CAST: variants seen among roughly 807,000 people sequenced by gnomAD.
CAST encodes the protein calpastatin.
A neutral mutation model predicts 119.6 loss-of-function variants in CAST; 76 were observed. The ratio of observed to expected loss-of-function variants is 0.64; its 90% CI spans 0.53 to 0.77. CAST has a LOEUF of 0.77. Ranked by LOEUF, CAST falls within the 30% of genes least tolerant of loss-of-function variation. The probability of loss-of-function intolerance (pLI) is 0.00; values close to 1 mark genes in which losing one functional copy is unlikely to be tolerated. For synonymous variants in CAST, 319 were observed against 331.6 expected (o/e 0.96, Z 0.41); for missense variants, 953 against 946.5 (o/e 1.01, Z -0.09).
the CAST span, among the ~76,000 whole-genome samples, chr5:96,149,551 G>A: frequency 2.0e-5 from 3 of 152,150 alleles, no homozygotes; most frequent in Non-Finnish European, 4.4e-5. Flanking sequence ...CTGCCCCTGT[G>A]AAAAAGGAGC....
chr5:96,578,393 G>A (rs1278664423), intron 1 of CAST, among the ~76,000 whole-genome samples: 1 of 151,274 alleles, frequency 6.6e-6, no homozygotes, highest in Non-Finnish European at 1.5e-5. Flanking sequence ...AAGAAAATAG[G>A]TAATACAATC....
the CAST span, among the ~76,000 whole-genome samples, chr5:96,503,371 G>T: frequency 6.6e-6 from 1 of 151,954 alleles, no homozygotes; most frequent in African/African-American, 2.4e-5. Context: ...AATCCTCTTT[G>T]GCCTGAATTA....
the CAST span, among the ~76,000 whole-genome samples, chr5:96,519,347 A>T: frequency 2.0e-5 from 3 of 152,230 alleles, no homozygotes; most frequent in Non-Finnish European, 4.4e-5. Flanking sequence ...AATATGCTGC[A>T]GCTGGTGGTT....
At chr5:96,323,027 C>T in the CAST span, among the ~76,000 whole-genome samples, 5 of 152,134 alleles carry the variant, frequency 3.3e-5, no homozygotes, top group Non-Finnish European at 7.4e-5. Flanking sequence ...GCTTTTGTCC[C>T]CTCCCTGCTT....
chr5:96,462,660 G>C, the CAST span, among the ~76,000 whole-genome samples: 1 of 151,978 alleles, frequency 6.6e-6, no homozygotes, highest in African/African-American at 2.4e-5. Flanking sequence ...TTTCTGCACC[G>C]ATATTCTGAT....
chr5:96,032,655 A>G, the CAST span, among the ~76,000 whole-genome samples: 1 of 152,124 alleles, frequency 6.6e-6, no homozygotes, highest in Admixed American at 6.6e-5. Context: ...ATTCCTCCAA[A>G]ACCCCTAGGT....
chr5:96,506,446 A>T, the CAST span, among the ~76,000 whole-genome samples: 535 of 152,316 alleles, frequency 3.5e-3, 2 homozygotes, highest in Middle Eastern at 0.014. Flanking sequence ...AAGTTGGAGG[A>T]AGCACCAACC....
chr5:96,032,467 T>G, the CAST span, among the ~76,000 whole-genome samples: 1 of 152,154 alleles, frequency 6.6e-6, no homozygotes, highest in Non-Finnish European at 1.5e-5. Flanking sequence ...TTCTTTAGAA[T>G]AGAGGAATTA....
At chr5:96,118,986 G>A in the CAST span, among the ~76,000 whole-genome samples, 3 of 152,146 alleles carry the variant, frequency 2.0e-5, no homozygotes, top group South Asian at 6.2e-4. Flanking sequence ...GCAAGCCAGG[G>A]TACTTCCGTA....
chr5:96,610,215 A>G (rs776657548), intron 1 of CAST, among the ~76,000 whole-genome samples: 1 of 152,206 alleles, frequency 6.6e-6, no homozygotes, highest in Non-Finnish European at 1.5e-5. Flanking sequence ...ATCTTCCACC[A>G]TGATTGTGAG....
chr5:96,744,981 G>T (rs548788763), intron 16 of CAST, among the ~76,000 whole-genome samples: 8 of 151,706 alleles, frequency 5.3e-5, no homozygotes, highest in African/African-American at 1.4e-4. Flanking sequence ...CTTTTTTTTC[G>T]ATGCCTACTG....
the CAST span, among the ~76,000 whole-genome samples, chr5:96,240,344 A>C: frequency 6.6e-6 from 1 of 152,182 alleles, no homozygotes; most frequent in East Asian, 1.9e-4. Context: ...GTACATCAGC[A>C]GAAGAATGTT....
At chr5:96,469,275 C>A in the CAST span, among the ~76,000 whole-genome samples, 1 of 152,068 alleles carries the variant, frequency 6.6e-6, no homozygotes, top group East Asian at 1.9e-4. Context: ...TCAATATCAT[C>A]ATGTAGCCTA....
chr5:96,596,838 C>CT (rs1747058470), intron 1 of CAST, among the ~76,000 whole-genome samples: 1 of 152,292 alleles, frequency 6.6e-6, no homozygotes, highest in African/African-American at 2.4e-5. Flanking sequence ...GGGTTAGTTT[C>CT]TAATGAGGGC....
chr5:96,095,385 C>T, the CAST span, among the ~76,000 whole-genome samples: 13 of 151,278 alleles, frequency 8.6e-5, no homozygotes, highest in Non-Finnish European at 1.8e-4. Flanking sequence ...GCCTGGGTGA[C>T]ATAGAGACAC....
chr5:96,530,654 G>A (rs1341467442), intron 1 of CAST, among the ~76,000 whole-genome samples: 1 of 152,130 alleles, frequency 6.6e-6, no homozygotes, highest in Non-Finnish European at 1.5e-5. Flanking sequence ...AGTCAGCCCA[G>A]GAGGAGAAAA....
At chr5:96,094,088 T>C in the CAST span, among the ~76,000 whole-genome samples, 1 of 152,234 alleles carries the variant, frequency 6.6e-6, no homozygotes, top group Non-Finnish European at 1.5e-5. Flanking sequence ...ACCTACTGTC[T>C]GATTATTGAC....
the CAST span, among the ~76,000 whole-genome samples, chr5:96,120,650 TATATATAATATAC>T: frequency 6.8e-6 from 1 of 148,024 alleles, no homozygotes; most frequent in African/African-American, 2.5e-5. Flanking sequence ...AGCATATGTA[TATATATAATATAC>T]ATATATAATA....
At chr5:96,239,205 G>C in the CAST span, among the ~76,000 whole-genome samples, 1,082 of 151,980 alleles carry the variant, frequency 7.1e-3, 17 homozygotes, top group African/African-American at 0.024. Context: ...GCCCAATTAT[G>C]CAATGACTTA....
Sources: gnomAD v4.1 joint callset for allele counts (sites outside exome capture counted in the v4.1 genomes callset) on GRCh38, gnomAD v4.1.1 for gene constraint, MANE v1.5 for transcripts, NCBI Gene and HGNC (gene_info 2026-07-23, HGNC 2026-07-21) for gene names.